The following HM13 variants were observed in gnomAD, a reference collection of about 807,000 sequenced individuals.
The protein encoded by HM13 is histocompatibility minor 13, also known as signal peptide peptidase.
In HM13, 18 loss-of-function variants were observed where a neutral mutation model predicts 50.0. The observed-to-expected ratio is 0.36, with a 90% CI of 0.25 to 0.53. HM13 has a LOEUF of 0.53. Ranked by LOEUF, HM13 falls within the 20% of genes least tolerant of loss-of-function variation. The pLI is 0.90. For synonymous variants in HM13, 197 were observed against 232.6 expected, an observed-to-expected ratio of 0.85 and a Z score of 1.39; for missense variants, 393 against 552.4, an observed-to-expected ratio of 0.71 and a Z score of 2.89.
intron 2 of HM13, among the ~76,000 whole-genome samples, chr20:31,531,084 G>A (rs1427229152): frequency 6.6e-6 from 1 of 151,912 alleles, no homozygotes; most frequent in East Asian, 1.9e-4. Flanking sequence ...TCACTCTGTT[G>A]CCCAGGCTGG....
intron 10 of HM13, among the ~76,000 whole-genome samples, chr20:31,564,732 C>A (rs558031421): frequency 6.6e-6 from 1 of 151,668 alleles, no homozygotes; most frequent in African/African-American, 2.4e-5. Flanking sequence ...AAATATTAGC[C>A]GGGCATGGTG....
At chr20:31,524,282 G>A (rs548979099) in intron 1 of HM13, among the ~76,000 whole-genome samples, 1 of 151,996 alleles carries the variant, frequency 6.6e-6, no homozygotes, top group South Asian at 2.1e-4. Context: ...CTTTTTTGAA[G>A]TGAGGCTAGA....
chr20:31,541,674 ATGATT>A (rs1247132326), intron 3 of HM13: 1 of 152,206 alleles, frequency 6.6e-6, no homozygotes, highest in Non-Finnish European at 1.5e-5. Context: ...TAAGTAGGGG[ATGATT>A]TGATCATGCT....
chr20:31,559,551 C>T, intron 8 of HM13, 60 bp from the exon 9 acceptor site: 1 of 1,555,580 alleles, frequency 6.4e-7, no homozygotes, highest in Non-Finnish European at 8.9e-7. Flanking sequence ...ACCCAGTCTC[C>T]TGTTAGTTCA....
At position 31,549,061 on chromosome 20, in the gene HM13, C is replaced by A. The variant is rs1489942543; in HGVS notation, c.487C>A (p.Leu163Met). Reference protein sequence around the residue: ...IINYEFDTKDLVCLGLSSIVG... With the variant: ...IINYEFDTKDMVCLGLSSIVG... Reference sequence around the variant, plus strand: ...CAATTATGAATTTGACACCAAGGACCTGGTGTGCCTGGGCCTGAGCAGCAT... The same window carrying A: ...CAATTATGAATTTGACACCAAGGACATGGTGTGCCTGGGCCTGAGCAGCAT... Residue 163 changes from leucine (L) to methionine (M), a missense_variant, in exon 5 of 13, where the codon CTG becomes ATG. This residue lies in a region of HM13 where 214 missense variants were observed against 276.1 expected (regional missense o/e 0.77). Transcript: ENST00000398174. 8 of 1,614,076 alleles carry A rather than the reference C, an allele frequency of 5.0e-6. No individual in the cohort carries two copies. In the East Asian group the frequency reaches 1.8e-4, roughly 36 times the overall value.
At chr20:31,566,397 T>C (rs1273146883) in intron 11 of HM13, 102 bp downstream of exon 11, 14 of 945,048 alleles carry the variant, frequency 1.5e-5, no homozygotes, top group Middle Eastern at 2.2e-4. Context: ...CAGGGGAACA[T>C]TGTTCCTGCC....
chr20:31,561,573 G>T (rs1984614942), intron 9 of HM13, 61 bp from the exon 10 acceptor site: 1 of 1,131,314 alleles, frequency 8.8e-7, no homozygotes. Flanking sequence ...CTCAGAAGGG[G>T]TATTACTAGT....
intron 5 of HM13, 34 bp downstream of exon 5, chr20:31,549,148 T>G (rs548077105): frequency 6.2e-7 from 1 of 1,613,756 alleles, no homozygotes; most frequent in South Asian, 1.1e-5. Context: ...AAGGGGAGGA[T>G]GGGGTTGACA....
chr20:31,554,917 C>A, intron 8 of HM13, 88 bp downstream of exon 8: 1 of 1,100,606 alleles, frequency 9.1e-7, no homozygotes, highest in Non-Finnish European at 1.4e-6. Flanking sequence ...GACAGGCTTA[C>A]CAGCTGAGAA....
intron 8 of HM13, among the ~76,000 whole-genome samples, chr20:31,556,277 A>T (rs1984311449): frequency 6.6e-6 from 1 of 151,888 alleles, no homozygotes; most frequent in Non-Finnish European, 1.5e-5. Context: ...ACCTCAGGTG[A>T]TCCACCTACC....
chr20:31,540,946 C>T (rs539986384), intron 3 of HM13: 1 of 150,954 alleles, frequency 6.6e-6, no homozygotes, highest in Non-Finnish European at 1.5e-5. Flanking sequence ...CACCACTGCA[C>T]TCCAGCCTGG....
intron 9 of HM13, 64 bp downstream of exon 9, chr20:31,559,711 G>A (rs1984506800): frequency 1.3e-6 from 2 of 1,526,904 alleles, no homozygotes; most frequent in East Asian, 2.2e-5. Flanking sequence ...GCCTTCAGGA[G>A]CCCAGAGAAG....
In HM13 at chr20:31,538,587, GT is replaced by G. The variant is rs1262116942; in HGVS notation, c.365+327del. 5.4e-6 allele frequency: 7 copies of G among 1,293,458 alleles called. No homozygotes were observed. The South Asian group carries it at 1.3e-4, about 24-fold the overall frequency. The allele number at this position is 1,293,458 out of a possible 1,614,324, so 80.1% of individuals were successfully genotyped here. On this transcript the variant is annotated intron_variant, in intron 3 of 12. Coordinates refer to ENST00000398174, the MANE Select transcript of HM13 (RefSeq NM_178581.3). ...ACACCAGTACCACCTGCCGGGTGTT[GT>G]GGCCTAGCTGTGTGCTAAGTGCCAT...
intron 7 of HM13, among the ~76,000 whole-genome samples, chr20:31,551,903 T>G (rs886253706): frequency 6.6e-6 from 1 of 151,306 alleles, no homozygotes; most frequent in African/African-American, 2.4e-5. Context: ...GGAAAACAGG[T>G]TTCTCCCAGC....
At chr20:31,536,910 C>G (rs539525951) in intron 2 of HM13, among the ~76,000 whole-genome samples, 1 of 152,214 alleles carries the variant, frequency 6.6e-6, no homozygotes, top group African/African-American at 2.4e-5. Context: ...CTGTTTCTTT[C>G]GAGATTCTTT....
chr20:31,517,796 G>GT (rs11480710), intron 1 of HM13, among the ~76,000 whole-genome samples: 46,995 of 151,096 alleles, frequency 0.31, 12,136 homozygotes, highest in African/African-American at 0.71. Context: ...GCGGTTAATC[G>GT]TATTGTTACA....
At position 31,549,014 on chromosome 20, in the gene HM13, G is replaced by T. The variant is rs745486041; in HGVS notation, c.455-15G>T. On this transcript the variant is annotated splice_polypyrimidine_tract_variant and intron_variant, in intron 4 of 12. Coordinates refer to ENST00000398174, the MANE Select transcript of HM13 (RefSeq NM_178581.3). The stretch of plus-strand genomic sequence containing the variant: ...CCTGCCTCAGGGAGTGGACTTACCT[G>T]GCCTCTCTGCTCAGAGATCATCAAT... 3 of 1,612,864 alleles carry T rather than the reference G, an allele frequency of 1.9e-6. No homozygotes were observed. The Admixed American group carries it at 5.0e-5, about 27-fold the overall frequency.
chr20:31,534,773 C>A (rs1264395928), intron 2 of HM13, among the ~76,000 whole-genome samples: 1 of 149,398 alleles, frequency 6.7e-6, no homozygotes, highest in African/African-American at 2.5e-5. Flanking sequence ...CAAAGTGAGA[C>A]CCTGTTTCGA....
chr20:31,555,818 A>C (rs1469590597), intron 8 of HM13, among the ~76,000 whole-genome samples: 1 of 151,644 alleles, frequency 6.6e-6, no homozygotes, highest in African/African-American at 2.4e-5. Context: ...AAAAAAAAAA[A>C]AATTAGCCAG....
Sources: allele counts gnomAD v4.1 joint callset (sites outside exome capture counted in the v4.1 genomes callset), GRCh38; gene constraint gnomAD v4.1.1; regional missense constraint gnomAD v4.1.1; transcripts MANE v1.5; gene names NCBI Gene and HGNC (gene_info 2026-07-23, HGNC 2026-07-21).